Variants in SUGCT observed in about 807,000 individuals in gnomAD.
SUGCT encodes succinyl-CoA:glutarate CoA-transferase.
In SUGCT, 41 loss-of-function variants were observed where a neutral mutation model predicts 55.0. The observed-to-expected ratio is 0.74, with a 90% CI of 0.58 to 0.97. SUGCT has a LOEUF of 0.97. Ranked by LOEUF, SUGCT falls within the 50% of genes least tolerant of loss-of-function variation. The probability of loss-of-function intolerance (pLI) is 0.00; values close to 1 mark genes in which losing one functional copy is unlikely to be tolerated. For synonymous variants in SUGCT, 187 were observed against 200.4 expected (o/e 0.93, Z 0.56); for missense variants, 568 against 547.8 (o/e 1.04, Z -0.37).
At chr7:40,564,086 C>T (rs1010957503) in intron 12 of SUGCT, among the ~76,000 whole-genome samples, 2 of 152,124 alleles carry the variant, frequency 1.3e-5, no homozygotes, top group African/African-American at 2.4e-5. Context: ...AAATATGCAA[C>T]GTCTTGGCCG....
At chr7:40,881,249 C>T in the SUGCT span, among the ~76,000 whole-genome samples, 2 of 152,168 alleles carry the variant, frequency 1.3e-5, no homozygotes, top group South Asian at 2.1e-4. Context: ...CATAACCTGT[C>T]GCTGCTATAT....
intron 13 of SUGCT, among the ~76,000 whole-genome samples, chr7:40,811,072 G>A (rs1791385781): frequency 6.6e-6 from 1 of 152,114 alleles, no homozygotes; most frequent in African/African-American, 2.4e-5. Context: ...GATGGCTATA[G>A]GTATGCAACT....
the SUGCT span, among the ~76,000 whole-genome samples, chr7:40,937,829 C>G: frequency 6.6e-6 from 1 of 152,114 alleles, no homozygotes; most frequent in African/African-American, 2.4e-5. Flanking sequence ...GGTCCCCAAC[C>G]TTTTTAGCAC....
chr7:40,734,902 A>T (rs1787080137), intron 12 of SUGCT, among the ~76,000 whole-genome samples: 1 of 152,182 alleles, frequency 6.6e-6, no homozygotes, highest in African/African-American at 2.4e-5. Flanking sequence ...TAGAATCTTC[A>T]GTCTCTGGGG....
chr7:40,529,098 G>C (rs571078190), intron 12 of SUGCT, among the ~76,000 whole-genome samples: 82 of 152,322 alleles, frequency 5.4e-4, no homozygotes, highest in Non-Finnish European at 9.8e-4. Flanking sequence ...TACTGGGGAA[G>C]ATCACTGAAG....
rs113195601 is a variant in SUGCT at position 40,192,007 on chromosome 7, C to T, written c.363+2413C>T. ...CCTGTAGTCCCAGCTACTTGGGAGG[C>T]TGAGGCAGGAGAATTGCTTGAACCC... is the stretch of plus-strand genomic sequence containing the variant. On this transcript the variant is annotated intron_variant, in intron 5 of 13. Coordinates refer to ENST00000335693, the MANE Select transcript of SUGCT (RefSeq NM_001193313.2). Among the ~76,000 whole-genome samples the T allele has an allele frequency of 5.4e-3, 801 of 147,026 alleles. 10 individuals carry two copies. The highest frequency in any genetic ancestry group is 0.019 in the African/African-American group (755 of 40,128).
At chr7:40,464,903 T>G (rs1197441273) in intron 11 of SUGCT, among the ~76,000 whole-genome samples, 4 of 152,218 alleles carry the variant, frequency 2.6e-5, no homozygotes, top group Non-Finnish European at 5.9e-5. Flanking sequence ...TTAATGATAG[T>G]TTTATTGGGA....
At chr7:40,840,899 GT>G (rs74810691) in intron 13 of SUGCT, among the ~76,000 whole-genome samples, 2 of 100,190 alleles carry the variant, frequency 2.0e-5, no homozygotes, top group African/African-American at 6.1e-5. Flanking sequence ...GTATTTGGGT[GT>G]TTTTTTTTAT....
chr7:40,752,169 G>C (rs1006141344), intron 13 of SUGCT, among the ~76,000 whole-genome samples: 1 of 152,042 alleles, frequency 6.6e-6, no homozygotes, highest in African/African-American at 2.4e-5. Flanking sequence ...TCTAGTTCCA[G>C]GTCTGGCCAG....
chr7:40,329,008 G>A (rs1584694012), intron 9 of SUGCT, among the ~76,000 whole-genome samples: 1 of 152,130 alleles, frequency 6.6e-6, no homozygotes, highest in African/African-American at 2.4e-5. Flanking sequence ...GGGCTCTTTA[G>A]CTCAAATAAA....
chr7:40,461,180 A>G (rs557631000), intron 11 of SUGCT, among the ~76,000 whole-genome samples: 34 of 152,338 alleles, frequency 2.2e-4, no homozygotes, highest in African/African-American at 8.2e-4. Context: ...TTATAAGCTT[A>G]TCATTTATTT....
At chr7:40,943,244 C>T in the SUGCT span, among the ~76,000 whole-genome samples, 2,364 of 150,330 alleles carry the variant, frequency 0.016, 61 homozygotes, top group African/African-American at 0.053. Context: ...AATTTCCTTC[C>T]CCCCCTTGAA....
chr7:40,989,784 C>CA, the SUGCT span, among the ~76,000 whole-genome samples: 5 of 151,936 alleles, frequency 3.3e-5, no homozygotes, highest in Non-Finnish European at 5.9e-5. Flanking sequence ...CAAAACAAAA[C>CA]AAAAAACAAA....
intron 9 of SUGCT, among the ~76,000 whole-genome samples, chr7:40,404,735 ACTCC>A (rs1786267419): frequency 2.0e-5 from 3 of 151,750 alleles, no homozygotes; most frequent in Admixed American, 2.0e-4. Context: ...CCATGCTCAG[ACTCC>A]ACTTGAATTT....
At chr7:40,657,102 A>C (rs757557326) in intron 12 of SUGCT, among the ~76,000 whole-genome samples, 4 of 152,194 alleles carry the variant, frequency 2.6e-5, no homozygotes, top group Non-Finnish European at 5.9e-5. Flanking sequence ...AGGTGTGTTT[A>C]TAGCTTCAGG....
chr7:40,356,653 T>C (rs191615864), intron 9 of SUGCT, among the ~76,000 whole-genome samples: 125 of 152,326 alleles, frequency 8.2e-4, no homozygotes, highest in African/African-American at 2.9e-3. Context: ...CACCCTCTGC[T>C]CCATACATAA....
chr7:40,819,718 C>A (rs1791877503), intron 13 of SUGCT, among the ~76,000 whole-genome samples: 1 of 152,176 alleles, frequency 6.6e-6, no homozygotes, highest in Non-Finnish European at 1.5e-5. Flanking sequence ...TGCCTGTTCA[C>A]TCTGATGGTA....
intron 6 of SUGCT, among the ~76,000 whole-genome samples, chr7:40,211,182 C>A (rs2150793483): frequency 6.6e-6 from 1 of 151,868 alleles, no homozygotes; most frequent in South Asian, 2.1e-4. Context: ...CCATATTGCC[C>A]AGACTGATCT....
the SUGCT span, among the ~76,000 whole-genome samples, chr7:40,922,788 T>C: frequency 1.2e-4 from 19 of 152,232 alleles, no homozygotes; most frequent in Non-Finnish European, 2.6e-4. Flanking sequence ...TTGCAATAAG[T>C]GCCACACATA....
Sources: allele counts gnomAD v4.1 joint callset (sites outside exome capture counted in the v4.1 genomes callset), GRCh38; gene constraint gnomAD v4.1.1; transcripts MANE v1.5; gene names NCBI Gene and HGNC (gene_info 2026-07-23, HGNC 2026-07-21).